DCTN1: variants seen among roughly 807,000 people sequenced by gnomAD.
DCTN1 encodes the protein 150 kDa dynein-associated polypeptide.
DCTN1 carries 61 observed loss-of-function variants against 161.2 expected under a neutral mutation model. The observed-to-expected ratio is 0.38, with a 90% CI of 0.31 to 0.47. DCTN1 has a LOEUF of 0.47. Among genes scored for constraint, DCTN1 ranks in the 20% least tolerant of loss-of-function variants. The probability of loss-of-function intolerance (pLI) is 0.99; values close to 1 mark genes in which losing one functional copy is unlikely to be tolerated. For missense variants in DCTN1, 1,404 were observed against 1,623.7 expected (o/e 0.86, Z 2.33); for synonymous variants, 653 against 632.4 (o/e 1.03, Z -0.49).
upstream of DCTN1, among the ~76,000 whole-genome samples, chr2:74,384,732 G>C (rs1023565459): frequency 6.6e-6 from 1 of 152,174 alleles, no homozygotes; most frequent in African/African-American, 2.4e-5. Context: ...TTGATACCTT[G>C]ATCTCCTCTT....
rs538939898 is a variant in DCTN1, at chr2:74,374,859, T to C, written c.415-519A>G. ...GGTTTTGGCTCCTCTCTTCCCTCCC[T>C]TGCCCACCCCCAAGAGCGTGCTCCA... is the stretch of plus-strand genomic sequence containing the variant. On this transcript the variant is annotated intron_variant, in intron 5 of 31. Transcript: ENST00000628224. 1.2e-5 allele frequency: 7 copies of C among 600,654 alleles called. No individual in the cohort carries two copies. The African/African-American group carries it at 1.4e-4, about 12-fold the overall frequency. The allele number at this position is 600,654 out of a possible 1,614,324, so 37.2% of individuals were successfully genotyped here.
intron 29 of DCTN1, 122 bp from the exon 30 acceptor site, chr2:74,362,851 G>T: frequency 7.7e-7 from 1 of 1,304,762 alleles, no homozygotes; most frequent in Non-Finnish European, 1.1e-6. Context: ...GAGAGTGGGT[G>T]AATCAAACAA....
intron 26 of DCTN1, 48 bp from the exon 27 acceptor site, chr2:74,363,676 G>A: frequency 6.2e-7 from 1 of 1,611,860 alleles, no homozygotes; most frequent in Non-Finnish European, 8.5e-7. Context: ...GGAGAGAGGA[G>A]TTAGGTGATT....
At chr2:74,363,780 G>C in intron 26 of DCTN1, 152 bp from the exon 27 acceptor site, 1 of 1,028,598 alleles carries the variant, frequency 9.7e-7, no homozygotes, top group South Asian at 1.4e-5. Context: ...AAGACTCTCT[G>C]CCACCTATCT....
chr2:74,381,560 G>T (rs375620875), upstream of DCTN1, among the ~76,000 whole-genome samples: 24 of 152,130 alleles, frequency 1.6e-4, no homozygotes, highest in South Asian at 6.2e-4. Context: ...TTACACAGGT[G>T]GGCAGGGCCA....
chr2:74,377,370 T>A, intron 4 of DCTN1, 62 bp downstream of exon 4: 3 of 1,426,888 alleles, frequency 2.1e-6, no homozygotes, highest in Non-Finnish European at 2.0e-6. Context: ...GCACTGGGTA[T>A]CCCTCCTCTT....
intron 1 of DCTN1, among the ~76,000 whole-genome samples, chr2:74,390,045 C>G (rs138149491): frequency 6.6e-6 from 1 of 152,162 alleles, no homozygotes. Context: ...CTGGATTCAA[C>G]AGATGCAGTC....
intron 18 of DCTN1, 93 bp downstream of exon 18, chr2:74,367,603 A>T: frequency 6.3e-7 from 1 of 1,585,002 alleles, no homozygotes; most frequent in South Asian, 1.1e-5. Flanking sequence ...AGCAGCAAGC[A>T]TGGGACATAC....
upstream of DCTN1, among the ~76,000 whole-genome samples, chr2:74,383,069 G>A (rs1326545460): frequency 2.0e-5 from 3 of 149,006 alleles, no homozygotes; most frequent in South Asian, 2.1e-4. Flanking sequence ...GCGACAGAGC[G>A]AGACTCCGTC....
chr2:74,366,148 T>G, intron 23 of DCTN1, 96 bp downstream of exon 23: 1 of 1,610,698 alleles, frequency 6.2e-7, no homozygotes, highest in Non-Finnish European at 8.5e-7. Flanking sequence ...TCCAGATGCC[T>G]TCCTCCTGTC....
Position 74,370,915 on chromosome 2 carries a change from A to G in DCTN1, c.843+64T>C. The G allele has an allele frequency of 6.2e-7, 1 of 1,613,338 alleles. No homozygotes were observed. On this transcript the variant is annotated intron_variant, in intron 9 of 31. Coordinates refer to ENST00000628224, the MANE Select transcript of DCTN1 (RefSeq NM_004082.5). This position sits in a 1 kb window ranked among gnomAD's most constrained non-coding sequence, Gnocchi z 4.4. ...ATGTTCCAGGCTCCAGCTCCAGTCT[A>G]GTTTCCAGCATGCTTCCTTAGGTCT...
upstream of DCTN1, chr2:74,383,937 G>C (rs1290157358): frequency 1.3e-5 from 2 of 152,222 alleles, no homozygotes; most frequent in African/African-American, 2.4e-5. Flanking sequence ...ATTATTTTAA[G>C]GGAATATCCA....
At chr2:74,387,854 A>T (rs906284495) in intron 1 of DCTN1, among the ~76,000 whole-genome samples, 2 of 152,220 alleles carry the variant, frequency 1.3e-5, no homozygotes, top group Non-Finnish European at 2.9e-5. Context: ...TCTGCCCACA[A>T]AATGAAATCT....
intron 5 of DCTN1, 175 bp from the exon 6 acceptor site, chr2:74,374,515 T>C: frequency 6.9e-7 from 1 of 1,448,622 alleles, no homozygotes; most frequent in East Asian, 2.8e-5. Flanking sequence ...CAATGCAGTC[T>C]CAGCCTCCCG....
At chr2:74,362,819 C>A in intron 29 of DCTN1, 90 bp from the exon 30 acceptor site, 1 of 1,374,054 alleles carries the variant, frequency 7.3e-7, no homozygotes. Flanking sequence ...ATAAGACTCT[C>A]TAACAGAACA....
chr2:74,379,304 C>T (rs1675399867), intron 1 of DCTN1, among the ~76,000 whole-genome samples: 1 of 152,096 alleles, frequency 6.6e-6, no homozygotes, highest in Non-Finnish European at 1.5e-5. Context: ...CCTAAAGACT[C>T]TATGGGAGAC....
chr2:74,378,886 C>CA (rs1675376065), intron 1 of DCTN1: 1 of 155,146 alleles, frequency 6.4e-6, no homozygotes, highest in Non-Finnish European at 1.4e-5. Context: ...CCCATTCAAC[C>CA]ATTCAACTCC....
chr2:74,373,005 G>A, intron 6 of DCTN1, 57 bp from the exon 7 acceptor site: 1 of 1,535,212 alleles, frequency 6.5e-7, no homozygotes, highest in Non-Finnish European at 9.0e-7. Flanking sequence ...GACAATGGCA[G>A]AAAGACAGAG....
At chr2:74,374,363 CAAAG>C in intron 5 of DCTN1, 23 bp from the exon 6 acceptor site, 1 of 1,612,714 alleles carries the variant, frequency 6.2e-7, no homozygotes, top group Non-Finnish European at 8.5e-7. Context: ...TGCAGAAAAC[CAAAG>C]AAAGCAAGGA....
Sources: gnomAD v4.1 joint callset for allele counts (sites outside exome capture counted in the v4.1 genomes callset) on GRCh38, gnomAD v4.1.1 for gene constraint, Gnocchi (gnomAD v3.1) non-coding constraint, MANE v1.5 for transcripts, NCBI Gene and HGNC (gene_info 2026-07-23, HGNC 2026-07-21) for gene names.